Variants in PGAP1 observed in about 807,000 individuals in gnomAD.
The protein encoded by PGAP1 is GPI inositol-deacylase.
Under a neutral mutation model 127.0 loss-of-function variants are expected in PGAP1, and 76 were observed. The observed-to-expected ratio is 0.60, with a 90% CI of 0.50 to 0.72. PGAP1 has a LOEUF of 0.72. PGAP1 is among the 30% of genes least tolerant of loss of function. The pLI is 0.00. For synonymous variants in PGAP1, 362 were observed against 366.5 expected (o/e 0.99, Z 0.14); for missense variants, 982 against 1,071.3 (o/e 0.92, Z 1.16).
At chr2:196,865,105 C>T in intron 19 of PGAP1, 25 bp from the exon 20 acceptor site, 2 of 1,291,442 alleles carry the variant, frequency 1.5e-6, no homozygotes, top group Non-Finnish European at 1.1e-6. Context: ...AGTCAATGGG[C>T]AACTCCTGAA....
intron 19 of PGAP1, among the ~76,000 whole-genome samples, chr2:196,869,429 G>A (rs1701341255): frequency 6.6e-6 from 1 of 152,054 alleles, no homozygotes; most frequent in African/African-American, 2.4e-5. Context: ...TCCACCTCTG[G>A]GTTCACGCCA....
In PGAP1 at chr2:196,835,090, G is replaced by A. The variant is rs1700204001; in HGVS notation, c.*6144C>T. 2 of 151,974 alleles carry A rather than the reference G, an allele frequency of 1.3e-5. No individual in the cohort carries two copies. The highest frequency in any genetic ancestry group is 4.1e-4 in the South Asian group (2 of 4,834). The allele number at this position is 151,974 out of a possible 1,614,324, so 9.4% of individuals were successfully genotyped here. A position where few individuals can be genotyped will look rare whatever the true frequency, so the allele number is the denominator to read the frequency against. On this transcript the variant is annotated 3_prime_UTR_variant, in exon 27 of 27. Coordinates refer to ENST00000354764, the MANE Select transcript of PGAP1 (RefSeq NM_024989.4). Reference sequence around the variant, plus strand: ...AATTTCCTTAGAATCTTTATGGGGAGAAATTGAAGCACTTAATGCTGATAA... The same window carrying A: ...AATTTCCTTAGAATCTTTATGGGGAAAAATTGAAGCACTTAATGCTGATAA...
chr2:196,888,387 A>G (rs554952534), intron 10 of PGAP1, among the ~76,000 whole-genome samples: 1 of 152,320 alleles, frequency 6.6e-6, no homozygotes, highest in East Asian at 1.9e-4. Context: ...AAAACCAGAT[A>G]TTATGTACCT....
intron 20 of PGAP1, among the ~76,000 whole-genome samples, chr2:196,863,930 G>A (rs926147537): frequency 6.6e-6 from 1 of 151,944 alleles, no homozygotes. Flanking sequence ...TAGAAGATTT[G>A]GAATGTTCCC....
At chr2:196,912,843 T>G in intron 4 of PGAP1, 39 bp downstream of exon 4, 3 of 1,502,286 alleles carry the variant, frequency 2.0e-6, no homozygotes, top group Non-Finnish European at 2.7e-6. Flanking sequence ...TAATCTTAAA[T>G]AACAATGGGG....
At position 196,916,407 on chromosome 2, in the gene PGAP1, T is replaced by C; in HGVS notation, c.477+11A>G. On this transcript the variant is annotated intron_variant, in intron 3 of 26. Transcript: ENST00000354764. ...GTTGCACCACTATTGATTTGCATAC[T>C]TATCTCTCACCTTATAGAGTTTGAG... 2 of 1,588,476 alleles carry C rather than the reference T, an allele frequency of 1.3e-6. No individual in the cohort carries two copies. The highest frequency in any genetic ancestry group is 1.7e-6 in the Non-Finnish European group (2 of 1,168,480).
rs371274371 is a variant in PGAP1 at position 196,882,366 on chromosome 2, G to GT, written c.1273-2214dup. Among the ~76,000 whole-genome samples, 616 of 152,254 alleles carry GT rather than the reference G, an allele frequency of 4.0e-3. 4 individuals carry two copies. Among genetic ancestry groups the GT allele is most frequent in the Non-Finnish European group, 6.9e-3 (472 of 67,998 alleles). On this transcript the variant is annotated intron_variant, in intron 12 of 26. Transcript: ENST00000354764. The stretch of plus-strand genomic sequence containing the variant: ...TTGGTTCCATATGAATTTTAAAATA[G>GT]TTTTTTCTAGTTATGTGAAGAATGT...
chr2:196,916,414 TCA>T lies in PGAP1; in HGVS notation c.477+2_477+3del. 1 of 1,594,268 alleles carries T rather than the reference TCA, an allele frequency of 6.3e-7. No homozygotes were observed. The highest frequency in any genetic ancestry group is 8.5e-7 in the Non-Finnish European group (1 of 1,171,538). On this transcript the variant is annotated splice_donor_variant and splice_donor_region_variant and intron_variant, in intron 3 of 26. Transcript: ENST00000354764. LOFTEE classifies it high-confidence loss of function. ...CACTATTGATTTGCATACTTATCTCTCACCTTATAGAGTTTGAGAATTGTTTT... is the reference window on the plus strand; with the variant it reads ...CACTATTGATTTGCATACTTATCTCTCCTTATAGAGTTTGAGAATTGTTTT...
intron 3 of PGAP1, among the ~76,000 whole-genome samples, chr2:196,913,976 G>A (rs962999279): frequency 1.3e-5 from 2 of 152,152 alleles, no homozygotes; most frequent in Non-Finnish European, 2.9e-5. Flanking sequence ...AAAAACCATG[G>A]GCACTGAGTC....
chr2:196,860,405 A>G (rs1269482775), intron 20 of PGAP1, among the ~76,000 whole-genome samples: 3 of 152,084 alleles, frequency 2.0e-5, no homozygotes, highest in Admixed American at 6.6e-5. Context: ...GTGGTGCCAC[A>G]CGGCTGTAAT....
In PGAP1 at chr2:196,898,520, G is replaced by A; in HGVS notation, c.808-151C>T. ...ATTTTTAAATGATATTCTTATAAAA[G>A]GTGATCCAAATATATTAGAATTTTC... On this transcript the variant is annotated intron_variant, in intron 5 of 26. Coordinates refer to ENST00000354764, the MANE Select transcript of PGAP1 (RefSeq NM_024989.4). 3.7e-6 allele frequency: 2 copies of A among 534,178 alleles called. 1 individual carries two copies. 33.1% of individuals were successfully genotyped at this position (534,178 alleles called of 1,614,324 possible).
intron 3 of PGAP1, 100 bp downstream of exon 3, chr2:196,916,317 CT>C: frequency 8.8e-7 from 1 of 1,131,958 alleles, no homozygotes; most frequent in South Asian, 3.1e-5. Context: ...TCTGCTTCAA[CT>C]TCCATATAAA....
intron 20 of PGAP1, among the ~76,000 whole-genome samples, chr2:196,855,570 T>C (rs1700855431): frequency 6.6e-6 from 1 of 152,148 alleles, no homozygotes. Flanking sequence ...TGATAGTGTT[T>C]TTATGACTTC....
At chr2:196,858,759 A>G (rs926212123) in intron 20 of PGAP1, among the ~76,000 whole-genome samples, 1 of 152,186 alleles carries the variant, frequency 6.6e-6, no homozygotes, top group Non-Finnish European at 1.5e-5. Flanking sequence ...AAAAAGATCA[A>G]CAAAATAAAA....
At chr2:196,889,484 A>G (rs1702025727) in intron 10 of PGAP1, among the ~76,000 whole-genome samples, 1 of 152,030 alleles carries the variant, frequency 6.6e-6, no homozygotes, top group Non-Finnish European at 1.5e-5. Context: ...GAAGGAACAG[A>G]TACAAATATA....
Position 196,841,200 on chromosome 2 carries a change from C to G in PGAP1, c.*34G>C. On this transcript the variant is annotated 3_prime_UTR_variant, in exon 27 of 27. Coordinates refer to ENST00000354764, the MANE Select transcript of PGAP1 (RefSeq NM_024989.4). ...TCCCTCTTATCACTGGCCCTAAACA[C>G]ATAAATTATCTTCATCATTCCTTAA... 1 of 1,598,056 alleles carries G rather than the reference C, an allele frequency of 6.3e-7. No individual in the cohort carries two copies. Among genetic ancestry groups the G allele is most frequent in the Non-Finnish European group, 8.5e-7 (1 of 1,171,682 alleles).
chr2:196,879,008 T>C lies in PGAP1; in HGVS notation c.1350+1068A>G, dbSNP rs532405688. Among the ~76,000 whole-genome samples the C allele has an allele frequency of 1.6e-4, 25 of 152,308 alleles. No homozygotes were observed. The South Asian group carries it at 5.2e-3, about 32-fold the overall frequency. On this transcript the variant is annotated intron_variant, in intron 13 of 26. Coordinates refer to ENST00000354764, the MANE Select transcript of PGAP1 (RefSeq NM_024989.4). The stretch of plus-strand genomic sequence containing the variant: ...GATTCCTGTATTGACAGCATGGCTC[T>C]ACAATGTTCATTCTTCCTATAAAAA...
chr2:196,855,497 G>C (rs568062114), intron 20 of PGAP1, among the ~76,000 whole-genome samples: 1 of 151,970 alleles, frequency 6.6e-6, no homozygotes, highest in South Asian at 2.1e-4. Context: ...AAAACTGATG[G>C]GCTCAGGAAA....
At position 196,861,307 on chromosome 2, in the gene PGAP1, A is replaced by G. The variant is rs56222709; in HGVS notation, c.1861+3680T>C. Among the ~76,000 whole-genome samples the G allele has an allele frequency of 8.6e-3, 1,305 of 152,338 alleles. 18 individuals carry two copies. The highest frequency in any genetic ancestry group is 0.029 in the African/African-American group (1,220 of 41,564). ...GGGTAAGACCTCAAAAGCACATACA[A>G]TAAAAGCAAAATGAGATAATATCAG... is the stretch of plus-strand genomic sequence containing the variant. On this transcript the variant is annotated intron_variant, in intron 20 of 26. Transcript: ENST00000354764.
Sources: allele counts gnomAD v4.1 joint callset (sites outside exome capture counted in the v4.1 genomes callset), GRCh38; gene constraint gnomAD v4.1.1; transcripts MANE v1.5; gene names NCBI Gene and HGNC (gene_info 2026-07-23, HGNC 2026-07-21).